The following PKP1 variants were observed in gnomAD, a reference collection of about 807,000 sequenced individuals.
PKP1 encodes the protein plakophilin 1.
Under a neutral mutation model 76.4 loss-of-function variants are expected in PKP1, and 27 were observed. That is an observed-to-expected ratio of 0.35 (90% CI 0.26 to 0.49). The LOEUF (loss-of-function observed/expected upper bound fraction) is 0.49, where lower values mean the gene tolerates loss of function less well. Ranked by LOEUF, PKP1 falls within the 20% of genes least tolerant of loss-of-function variation. The probability of loss-of-function intolerance (pLI) is 0.99; values close to 1 mark genes in which losing one functional copy is unlikely to be tolerated. For missense variants in PKP1, 964 were observed against 955.2 expected, an observed-to-expected ratio of 1.01 and a Z score of -0.12; for synonymous variants, 404 against 384.2, an observed-to-expected ratio of 1.05 and a Z score of -0.60.
chr1:201,310,501 G>A (rs1400608950), intron 2 of PKP1, among the ~76,000 whole-genome samples: 6 of 152,298 alleles, frequency 3.9e-5, no homozygotes, highest in East Asian at 1.9e-4. Flanking sequence ...AGTTGCTGCC[G>A]TTTCAGCCTT....
At chr1:201,285,220 CCA>C (rs140683611) in intron 1 of PKP1, among the ~76,000 whole-genome samples, 11,266 of 136,488 alleles carry the variant, frequency 0.083, 491 homozygotes, top group African/African-American at 0.13. Context: ...GGCCCTTCCA[CCA>C]CACACACACA....
At chr1:201,293,726 G>A (rs1655993049) in intron 1 of PKP1, among the ~76,000 whole-genome samples, 1 of 152,216 alleles carries the variant, frequency 6.6e-6, no homozygotes, top group African/African-American at 2.4e-5. Context: ...TTTTAGAGCT[G>A]TCCCTGCAGG....
chr1:201,302,823 C>T (rs191225641), intron 2 of PKP1, among the ~76,000 whole-genome samples: 13 of 152,328 alleles, frequency 8.5e-5, no homozygotes, highest in African/African-American at 2.9e-4. Context: ...GGAAGGAGGC[C>T]GCTTGTGACT....
intron 1 of PKP1, among the ~76,000 whole-genome samples, chr1:201,287,342 G>A (rs2102404443): frequency 6.6e-6 from 1 of 152,290 alleles, no homozygotes; most frequent in East Asian, 1.9e-4. Context: ...CAGTGAAGGA[G>A]CTCGCCTCAG....
chr1:201,313,083 G>A, intron 2 of PKP1, 83 bp from the exon 3 acceptor site: 1 of 1,384,292 alleles, frequency 7.2e-7, no homozygotes, highest in South Asian at 1.2e-5. Context: ...TGGGGGCTGG[G>A]GAGGGCTGTA....
chr1:201,283,713 C>G lies in PKP1; in HGVS notation c.11C>G (p.Ser4Trp), dbSNP rs1475958808. The change falls in exon 1 of 14, where the codon TCG becomes TGG. Residue 4 changes from serine (S) to tryptophan (W), a missense_variant. Physicochemically the swap from Ser to Trp is radical, Grantham distance 177. Coordinates refer to ENST00000367324, the MANE Select transcript of PKP1 (RefSeq NM_001005337.3). ...CCGCCTCCCGCCACCATGAACCACT[C>G]GCCGCTCAAGACCGCCTTGGCGTAC... is the stretch of plus-strand genomic sequence containing the variant. MNH[S>W]PLKTALAYEC... 6.2e-7 allele frequency: 1 copy of G among 1,613,654 alleles called. No individual in the cohort carries two copies. Among genetic ancestry groups the G allele is most frequent in the Non-Finnish European group, 8.5e-7 (1 of 1,179,832 alleles).
At chr1:201,313,664 C>G in intron 3 of PKP1, 104 bp downstream of exon 3, 1 of 1,223,092 alleles carries the variant, frequency 8.2e-7, no homozygotes, top group Non-Finnish European at 1.1e-6. Flanking sequence ...ACAGGAGAGA[C>G]ATAGCTTCTG....
intron 2 of PKP1, among the ~76,000 whole-genome samples, chr1:201,294,786 C>G (rs1656025405): frequency 1.3e-5 from 2 of 152,226 alleles, no homozygotes; most frequent in Admixed American, 6.5e-5. Flanking sequence ...TCTCAATCCA[C>G]TATACTTCAT....
chr1:201,283,686 A>C lies in PKP1; in HGVS notation c.-17A>C, dbSNP rs1039001871. The C allele has an allele frequency of 1.2e-6, 2 of 1,610,442 alleles. No homozygotes were observed. The highest frequency in any genetic ancestry group is 1.7e-6 in the Non-Finnish European group (2 of 1,178,176). The stretch of plus-strand genomic sequence containing the variant: ...CTCTCCTAGGCCCCGGCCGCGCGCC[A>C]CCCGCCTCCCGCCACCATGAACCAC... On this transcript the variant is annotated 5_prime_UTR_variant, in exon 1 of 14. Coordinates refer to ENST00000367324, the MANE Select transcript of PKP1 (RefSeq NM_001005337.3).
intron 2 of PKP1, among the ~76,000 whole-genome samples, chr1:201,295,414 C>T (rs1222561046): frequency 1.3e-5 from 2 of 152,122 alleles, no homozygotes; most frequent in Non-Finnish European, 2.9e-5. Context: ...AAAATAAACC[C>T]AGCACACTGA....
chr1:201,304,174 G>A (rs924484277), intron 2 of PKP1, among the ~76,000 whole-genome samples: 20 of 152,312 alleles, frequency 1.3e-4, no homozygotes, highest in Admixed American at 1.1e-3. Context: ...TGGGATCTGA[G>A]TTGGGGTGCT....
chr1:201,306,160 C>T (rs905382480), intron 2 of PKP1, among the ~76,000 whole-genome samples: 1 of 152,154 alleles, frequency 6.6e-6, no homozygotes, highest in African/African-American at 2.4e-5. Flanking sequence ...TGAGAAAAAC[C>T]TATTTCTCAG....
intron 1 of PKP1, among the ~76,000 whole-genome samples, chr1:201,286,065 C>T (rs191599821): frequency 4.6e-5 from 7 of 152,324 alleles, no homozygotes; most frequent in Non-Finnish European, 1.0e-4. Context: ...ATCAGATTTC[C>T]TTGTCTTCTC....
chr1:201,316,560 A>C lies in PKP1; in HGVS notation c.709A>C (p.Ser237Arg). ...ACTGCCTATTCTTCACAGGATCTGC[A>C]GTGAGGACATCGAGTGCAGTGGGCT... Reference protein sequence around the residue: ...GHSRASSKICSEDIECSGLTI... With the variant: ...GHSRASSKICREDIECSGLTI... Residue 237 changes from serine to arginine, a missense_variant, in exon 4 of 14, where the codon AGT becomes CGT. Physicochemically the swap from Ser to Arg is moderately radical, Grantham distance 110. Transcript: ENST00000367324. 1 of 1,607,536 alleles carries C rather than the reference A, an allele frequency of 6.2e-7. No individual in the cohort carries two copies. Among genetic ancestry groups the C allele is most frequent in the South Asian group, 1.1e-5 (1 of 89,492 alleles).
chr1:201,293,837 C>T (rs183712584), intron 1 of PKP1, 105 bp from the exon 2 acceptor site: 6 of 764,022 alleles, frequency 7.9e-6, no homozygotes, highest in Admixed American at 4.0e-5. Context: ...GACCTGGTCT[C>T]CTCCATGGGC....
At chr1:201,294,186 A>G in intron 2 of PKP1, 141 bp downstream of exon 2, 1 of 702,610 alleles carries the variant, frequency 1.4e-6, no homozygotes, top group Non-Finnish European at 2.6e-6. Flanking sequence ...AACTCTGACT[A>G]GGTCTGTTGA....
intron 2 of PKP1, among the ~76,000 whole-genome samples, chr1:201,311,774 G>A (rs943963559): frequency 2.0e-5 from 3 of 152,232 alleles, no homozygotes; most frequent in Non-Finnish European, 1.5e-5. Context: ...GCAAAGGTGA[G>A]TCCCAAGTCA....
Position 201,293,987 on chromosome 1 carries a change from C to T in PKP1, c.248C>T (p.Thr83Ile). ...GCTGACAATTACAACTATGGGACCA[C>T]CAGCAGGAGCAGCTACTACTCCAAG... ...GLADNYNYGTTSRSSYYSKFQ... is the reference protein window; with the variant it reads ...GLADNYNYGTISRSSYYSKFQ... Residue 83 changes from threonine (T) to isoleucine (I), a missense_variant, in exon 2 of 14, where the codon ACC (threonine) becomes ATC (isoleucine). Coordinates refer to ENST00000367324, the MANE Select transcript of PKP1 (RefSeq NM_001005337.3). 3 of 1,613,952 alleles carry T rather than the reference C, an allele frequency of 1.9e-6. No homozygotes were observed. Among genetic ancestry groups the T allele is most frequent in the Non-Finnish European group, 2.5e-6 (3 of 1,179,904 alleles).
chr1:201,324,595 C>G lies in PKP1; in HGVS notation c.1834+14C>G. ...ACAGAGTGATGGGTAAGGTCCCTCT[C>G]TCTCCTCCCCCTCTAGCTAAGACAT... On this transcript the variant is annotated intron_variant, in intron 10 of 13. Transcript: ENST00000367324. 2.5e-6 allele frequency: 4 copies of G among 1,613,838 alleles called. No individual in the cohort carries two copies. In the South Asian group the frequency reaches 3.3e-5, roughly 13 times the overall value.
Sources: gnomAD v4.1 joint callset for allele counts (sites outside exome capture counted in the v4.1 genomes callset) on GRCh38, gnomAD v4.1.1 for gene constraint, MANE v1.5 for transcripts, NCBI Gene and HGNC (gene_info 2026-07-23, HGNC 2026-07-21) for gene names.